DGKI: variants seen among roughly 807,000 people sequenced by gnomAD.
DGKI encodes the protein diacylglycerol kinase iota.
DGKI carries 55 observed loss-of-function variants against 147.5 expected under a neutral mutation model. The ratio of observed to expected loss-of-function variants is 0.37; its 90% CI spans 0.30 to 0.47. DGKI has a LOEUF of 0.47. Among genes scored for constraint, DGKI ranks in the 20% least tolerant of loss-of-function variants. DGKI has a pLI of 1.00. For synonymous variants in DGKI, 469 were observed against 477.1 expected, an observed-to-expected ratio of 0.98 and a Z score of 0.22; for missense variants, 1,007 against 1,323.8, an observed-to-expected ratio of 0.76 and a Z score of 3.71.
At chr7:137,582,414 T>TCTCTC (rs1819231453) in intron 14 of DGKI, among the ~76,000 whole-genome samples, 1 of 149,016 alleles carries the variant, frequency 6.7e-6, no homozygotes, top group African/African-American at 2.5e-5. Context: ...ATCACCCATT[T>TCTCTC]TCTCTCTCTC....
At chr7:137,722,270 C>G (rs1002408992) in intron 1 of DGKI, 10 of 1,608,946 alleles carry the variant, frequency 6.2e-6, no homozygotes, top group Non-Finnish European at 3.4e-6. Context: ...GTTACAAAAC[C>G]AGTTGGTGGT....
chr7:137,705,867 C>CA (rs984115887), intron 1 of DGKI, among the ~76,000 whole-genome samples: 6 of 152,042 alleles, frequency 3.9e-5, no homozygotes, highest in African/African-American at 1.2e-4. Context: ...AAATATGGAA[C>CA]ATGCAGTAAA....
At chr7:137,519,305 G>A (rs1199900097) in intron 21 of DGKI, among the ~76,000 whole-genome samples, 4 of 152,046 alleles carry the variant, frequency 2.6e-5, no homozygotes, top group Admixed American at 1.3e-4. Context: ...GATGGGCTTT[G>A]TTAGGTGACA....
chr7:137,552,245 C>A (rs780042562), intron 20 of DGKI, 124 bp downstream of exon 20: 4 of 914,446 alleles, frequency 4.4e-6, no homozygotes, highest in Non-Finnish European at 6.7e-6. Context: ...AACCAAGGAA[C>A]TACTGAGTCT....
rs545530273 is a variant in DGKI, at chr7:137,638,759, T to C, written c.804+6713A>G. On this transcript the variant is annotated intron_variant, in intron 6 of 32. Transcript: ENST00000614521. ...TATGTAAATAACTATAACATGTTAATTATATATTTTATACAGAGATATTTA... is the reference window on the plus strand; with the variant it reads ...TATGTAAATAACTATAACATGTTAACTATATATTTTATACAGAGATATTTA... Among the ~76,000 whole-genome samples the C allele has an allele frequency of 2.0e-4, 30 of 150,266 alleles. No homozygotes were observed. In the South Asian group the frequency reaches 5.7e-3, roughly 28 times the overall value.
At position 137,846,389 on chromosome 7, in the gene DGKI, GC is replaced by G. The variant is rs1798730435; in HGVS notation, c.401+72del. 6.9e-6 allele frequency: 7 copies of G among 1,013,716 alleles called. No individual in the cohort carries two copies. In the African/African-American group the frequency reaches 2.9e-4, roughly 42 times the overall value. The allele number at this position is 1,013,716 out of a possible 1,614,324, so 62.8% of individuals were successfully genotyped here. ...GAGAGGTGCCCAACTCCGCGGAAGC[GC>G]CCCTTGCTGGGTAGAAGAGTGGGTC... is the stretch of plus-strand genomic sequence containing the variant. On this transcript the variant is annotated intron_variant, in intron 1 of 32. Transcript: ENST00000614521. This position sits in a 1 kb window ranked among gnomAD's most constrained non-coding sequence, Gnocchi z 4.0.
At chr7:137,630,877 A>G (rs1821100852) in intron 6 of DGKI, among the ~76,000 whole-genome samples, 1 of 152,218 alleles carries the variant, frequency 6.6e-6, no homozygotes, top group South Asian at 2.1e-4. Context: ...ACTAGCTATC[A>G]TTATGACAAT....
In DGKI at chr7:137,503,068, G is replaced by A. The variant is rs568095786; in HGVS notation, c.2249-15379C>T. ...CACATTCTCGTGAACATACTTGGCA[G>A]AAATGTGGTCATTTTTAAAGGCTCC... On this transcript the variant is annotated intron_variant, in intron 21 of 32. Coordinates refer to ENST00000614521, the MANE Select transcript of DGKI (RefSeq NM_001321708.2). Among the ~76,000 whole-genome samples, 3 of 152,262 alleles carry A rather than the reference G, an allele frequency of 2.0e-5. No individual in the cohort carries two copies. The East Asian group carries it at 5.8e-4, about 29-fold the overall frequency.
chr7:137,418,947 G>A (rs987676536), intron 28 of DGKI, among the ~76,000 whole-genome samples: 3 of 152,258 alleles, frequency 2.0e-5, no homozygotes, highest in South Asian at 4.1e-4. Flanking sequence ...ACTTTCTAGC[G>A]TGTATTTGGT....
intron 28 of DGKI, among the ~76,000 whole-genome samples, chr7:137,426,007 T>TAAA: frequency 6.6e-6 from 1 of 152,122 alleles, no homozygotes. Flanking sequence ...TTCCCCAATC[T>TAAA]AAAAAGGCAG....
chr7:137,737,204 C>CA (rs763572711), intron 1 of DGKI, among the ~76,000 whole-genome samples: 9,651 of 83,210 alleles, frequency 0.12, 632 homozygotes, highest in African/African-American at 0.22. Context: ...CTCATTTCAC[C>CA]AAAAAAAAAA....
chr7:137,508,524 C>A (rs747864445), intron 21 of DGKI, among the ~76,000 whole-genome samples: 26 of 152,028 alleles, frequency 1.7e-4, no homozygotes, highest in Non-Finnish European at 3.7e-4. Context: ...CCATGCCCGG[C>A]CGACAGGTTT....
chr7:137,475,594 A>G (rs906944320), intron 23 of DGKI, among the ~76,000 whole-genome samples: 1 of 152,212 alleles, frequency 6.6e-6, no homozygotes, highest in Non-Finnish European at 1.5e-5. Flanking sequence ...ACTGTGATCA[A>G]CCTTTTTAAT....
At chr7:137,577,622 T>G (rs561454308) in intron 16 of DGKI, among the ~76,000 whole-genome samples, 2 of 152,344 alleles carry the variant, frequency 1.3e-5, no homozygotes, top group Middle Eastern at 3.4e-3. Context: ...CCACTAAGAT[T>G]TCCTTATTTG....
chr7:137,563,134 T>C (rs1818472353), intron 19 of DGKI, among the ~76,000 whole-genome samples: 1 of 151,942 alleles, frequency 6.6e-6, no homozygotes, highest in African/African-American at 2.4e-5. Flanking sequence ...AAATTAGTGA[T>C]ATAAACAAAA....
intron 1 of DGKI, among the ~76,000 whole-genome samples, chr7:137,786,419 G>A (rs1321348243): frequency 6.6e-6 from 1 of 152,038 alleles, no homozygotes. Flanking sequence ...CCAAGGAGGT[G>A]AAAGACCTCT....
intron 6 of DGKI, among the ~76,000 whole-genome samples, chr7:137,638,503 T>TGTGTATATATATACACACATATATATAC (rs1491221018): frequency 5.1e-5 from 6 of 116,712 alleles, no homozygotes; most frequent in Admixed American, 5.0e-4. Flanking sequence ...CATATATATG[T>TGTGTATATATATACACACATATATATAC]ATATATATGT....
intron 28 of DGKI, among the ~76,000 whole-genome samples, chr7:137,419,734 T>C (rs953831498): frequency 1.1e-4 from 17 of 152,126 alleles, no homozygotes; most frequent in African/African-American, 4.1e-4. Context: ...AAAGAATGAA[T>C]TATATAAATT....
chr7:137,599,952 C>G (rs771349599), intron 10 of DGKI, 47 bp from the exon 11 acceptor site: 1 of 1,426,572 alleles, frequency 7.0e-7, no homozygotes, highest in Non-Finnish European at 9.9e-7. Context: ...AAGAAATTTC[C>G]CAAGAATAAC....
Sources: allele counts gnomAD v4.1 joint callset (sites outside exome capture counted in the v4.1 genomes callset), GRCh38; gene constraint gnomAD v4.1.1; non-coding constraint Gnocchi (gnomAD v3.1); transcripts MANE v1.5; gene names NCBI Gene and HGNC (gene_info 2026-07-23, HGNC 2026-07-21).